Variants in GREB1 observed in about 807,000 individuals in gnomAD.
The protein encoded by GREB1 is protein GREB1.
A neutral mutation model predicts 200.7 loss-of-function variants in GREB1; 106 were observed. The ratio of observed to expected loss-of-function variants is 0.53; its 90% CI spans 0.45 to 0.62. GREB1 has a LOEUF of 0.62. Among genes scored for constraint, GREB1 ranks in the 20% least tolerant of loss-of-function variants. The pLI is 0.00. For synonymous variants in GREB1, 1,132 were observed against 1,092.4 expected, an observed-to-expected ratio of 1.04 and a Z score of -0.72; for missense variants, 2,243 against 2,556.8, an observed-to-expected ratio of 0.88 and a Z score of 2.65.
At chr2:11,539,155 C>T (rs969194254) in intron 1 of GREB1, among the ~76,000 whole-genome samples, 4 of 151,682 alleles carry the variant, frequency 2.6e-5, no homozygotes, top group East Asian at 1.9e-4. Context: ...TGGGCTCAAG[C>T]GATCCTCCCA....
chr2:11,614,087 TC>T (rs1360926546), intron 19 of GREB1, among the ~76,000 whole-genome samples: 1 of 151,988 alleles, frequency 6.6e-6, no homozygotes, highest in African/African-American at 2.4e-5. Flanking sequence ...AATTAAATGC[TC>T]ACTGATTACA....
rs933170543 is a variant in GREB1, at chr2:11,632,205, T to C, written c.4816+92T>C. On this transcript the variant is annotated intron_variant, in intron 27 of 32. Transcript: ENST00000381486. ...AGAGACAAAAGTTAAACATGTGACATCAGGCCTTTTACTTTTGGACTTTTA... is the reference window on the plus strand; with the variant it reads ...AGAGACAAAAGTTAAACATGTGACACCAGGCCTTTTACTTTTGGACTTTTA... 290 of 880,644 alleles carry C rather than the reference T, an allele frequency of 3.3e-4. 1 individual carries two copies. In the East Asian group the frequency reaches 7.5e-3, roughly 23 times the overall value. 54.6% of individuals were successfully genotyped at this position (880,644 alleles called of 1,614,324 possible). A position where few individuals can be genotyped will look rare whatever the true frequency, so the allele number is the denominator to read the frequency against.
intron 1 of GREB1, among the ~76,000 whole-genome samples, chr2:11,509,727 G>C (rs1572567099): frequency 6.6e-6 from 1 of 152,278 alleles, no homozygotes; most frequent in African/African-American, 2.4e-5. Context: ...GAGGGAGCCT[G>C]TTTGCCCCTT....
chr2:11,565,464 C>A (rs1677531880), intron 3 of GREB1, among the ~76,000 whole-genome samples: 1 of 152,184 alleles, frequency 6.6e-6, no homozygotes, highest in Admixed American at 6.5e-5. Flanking sequence ...AAGGCCTTGG[C>A]TCGTCAGGAC....
chr2:11,629,705 G>A lies in GREB1; in HGVS notation c.4450-243G>A, dbSNP rs1458912458. 1.3e-5 allele frequency among the ~76,000 whole-genome samples: 2 copies of A among 152,194 alleles called. No individual in the cohort carries two copies. Among genetic ancestry groups the A allele is most frequent in the African/African-American group, 4.8e-5 (2 of 41,454 alleles). ...TGATGCCTGCTTGGCACAGCAGGGT[G>A]AGGCCCCATGCGGACTGAGGATGGG... On this transcript the variant is annotated intron_variant, in intron 25 of 32. Transcript: ENST00000381486. This position sits in a 1 kb window ranked among gnomAD's most constrained non-coding sequence, Gnocchi z 5.2.
chr2:11,592,203 TAAC>T (rs373322503), intron 10 of GREB1: 71 of 279,260 alleles, frequency 2.5e-4, no homozygotes, highest in African/African-American at 1.6e-3. Context: ...TTTTTTTTTT[TAAC>T]AACAGCAGTG....
At position 11,612,505 on chromosome 2, in the gene GREB1, A is replaced by G; in HGVS notation, c.3017A>G (p.Lys1006Arg). Reference protein sequence around the residue: ...HFVKQLRMWQKIEDVEWRPQT... With the variant: ...HFVKQLRMWQRIEDVEWRPQT... ...TTTCGTTATCTGCAGATGTGGCAGA[A>G]AATTGAGGATGTGGAGTGGAGACCC... The change falls in exon 19 of 33, where the codon AAA becomes AGA. Residue 1006 changes from lysine (K) to arginine (R), a missense_variant. Transcript: ENST00000381486. 1 of 1,609,742 alleles carries G rather than the reference A, an allele frequency of 6.2e-7. No individual in the cohort carries two copies. Among genetic ancestry groups the G allele is most frequent in the Non-Finnish European group, 8.5e-7 (1 of 1,176,396 alleles).
chr2:11,556,247 G>C (rs372165319), intron 1 of GREB1: 8 of 157,960 alleles, frequency 5.1e-5, no homozygotes, highest in African/African-American at 1.7e-4. Context: ...AGGGCCATTC[G>C]TCTGCAGGTC....
intron 26 of GREB1, among the ~76,000 whole-genome samples, chr2:11,631,672 A>G (rs1450231844): frequency 6.6e-6 from 1 of 152,160 alleles, no homozygotes; most frequent in Non-Finnish European, 1.5e-5. Flanking sequence ...GGGCTTGTGC[A>G]TGGGAGAGTT....
intron 1 of GREB1, among the ~76,000 whole-genome samples, chr2:11,485,637 TC>T (rs1441876577): frequency 6.6e-6 from 1 of 152,216 alleles, no homozygotes; most frequent in African/African-American, 2.4e-5. Flanking sequence ...GATTTTGATC[TC>T]AAACAGCCTT....
At chr2:11,556,858 A>T in intron 2 of GREB1, 87 bp downstream of exon 2, 1 of 997,312 alleles carries the variant, frequency 1.0e-6, no homozygotes, top group African/African-American at 1.6e-5. Flanking sequence ...TCTTTTCTTT[A>T]TGTAGATAAC....
chr2:11,588,699 A>T (rs1383631616), intron 9 of GREB1, 47 bp from the exon 10 acceptor site: 6 of 1,554,316 alleles, frequency 3.9e-6, no homozygotes, highest in Non-Finnish European at 5.3e-6. Context: ...ATGGGACCGT[A>T]AGCTGTGCAC....
chr2:11,518,290 A>G (rs1045844636), intron 1 of GREB1, among the ~76,000 whole-genome samples: 1 of 152,232 alleles, frequency 6.6e-6, no homozygotes, highest in Non-Finnish European at 1.5e-5. Context: ...CACATTAAAA[A>G]AATTCGTGTA....
In GREB1 at chr2:11,544,465, C is replaced by G. The variant is rs1379016836; in HGVS notation, c.-162+10211C>G. ...TCTCCTGACTTTGTGATCTGCCCAC[C>G]TCGGCCTCCCAAAGTGCTGGGATTA... On this transcript the variant is annotated intron_variant, in intron 1 of 32. Transcript: ENST00000381486. Among the ~76,000 whole-genome samples, 9 of 152,128 alleles carry G rather than the reference C, an allele frequency of 5.9e-5. No individual in the cohort carries two copies. In the East Asian group the frequency reaches 1.7e-3, roughly 29 times the overall value.
Position 11,541,460 on chromosome 2 carries a change from G to C in GREB1, c.-162+7206G>C, listed in dbSNP as rs115754856. On this transcript the variant is annotated intron_variant, in intron 1 of 32. Transcript: ENST00000381486. ...TGGCAAGTGAGAGGGGGGCCATGGGGATCGGAACACTTGGCATCGTGACCT... is the reference window on the plus strand; with the variant it reads ...TGGCAAGTGAGAGGGGGGCCATGGGCATCGGAACACTTGGCATCGTGACCT... Among the ~76,000 whole-genome samples, 1,376 of 152,094 alleles carry C rather than the reference G, an allele frequency of 9.0e-3. 16 individuals carry two copies. The highest frequency in any genetic ancestry group is 0.061 in the East Asian group (313 of 5,142).
chr2:11,541,672 G>A (rs2148525098), intron 1 of GREB1, among the ~76,000 whole-genome samples: 1 of 152,240 alleles, frequency 6.6e-6, no homozygotes, highest in African/African-American at 2.4e-5. Context: ...CCTTCCTTAG[G>A]AAGCCGCAGG....
In GREB1 at chr2:11,604,832, T is replaced by C. The variant is rs1423736625; in HGVS notation, c.2666+2290T>C. ...AGGAGATAAAGGTTAGAACATGGGG[T>C]TACTGCTTCTTGCCACCATGTGTGT... is the stretch of plus-strand genomic sequence containing the variant. On this transcript the variant is annotated intron_variant, in intron 17 of 32. Coordinates refer to ENST00000381486, the MANE Select transcript of GREB1 (RefSeq NM_014668.4). Among the ~76,000 whole-genome samples the C allele has an allele frequency of 3.3e-5, 5 of 152,136 alleles. No homozygotes were observed. In the East Asian group the frequency reaches 7.7e-4, roughly 23 times the overall value.
chr2:11,618,561 C>A lies in GREB1; in HGVS notation c.3686C>A (p.Ser1229Tyr), dbSNP rs541977396. 6.2e-7 allele frequency: 1 copy of A among 1,612,934 alleles called. No individual in the cohort carries two copies. Among genetic ancestry groups the A allele is most frequent in the African/African-American group, 1.3e-5 (1 of 75,048 alleles). Reference sequence around the variant, plus strand: ...CAGCTGTCCTCCTCCTCGGGCTCATCCTCCTCATCCGTGGCGCCCGCTGCC... The same window carrying A: ...CAGCTGTCCTCCTCCTCGGGCTCATACTCCTCATCCGTGGCGCCCGCTGCC... ...CSQLSSSSGS[S>Y]SSSVAPAAGT... Residue 1229 changes from serine to tyrosine, a missense_variant, in exon 22 of 33, where the codon TCC (serine) becomes TAC (tyrosine). By Grantham distance (144) the Ser-to-Tyr change is moderately radical (BLOSUM62 -2). Transcript: ENST00000381486.
intron 1 of GREB1, among the ~76,000 whole-genome samples, chr2:11,502,368 G>T (rs1673072793): frequency 6.6e-6 from 1 of 150,862 alleles, no homozygotes; most frequent in Non-Finnish European, 1.5e-5. Context: ...CTACAGGCAT[G>T]CACCACCAGA....
Sources: allele counts gnomAD v4.1 joint callset (sites outside exome capture counted in the v4.1 genomes callset), GRCh38; gene constraint gnomAD v4.1.1; non-coding constraint Gnocchi (gnomAD v3.1); transcripts MANE v1.5; gene names NCBI Gene and HGNC (gene_info 2026-07-23, HGNC 2026-07-21).